The following XPO6 variants were observed in gnomAD, a reference collection of about 807,000 sequenced individuals.
XPO6 encodes exportin 6, also known as exportin-6.
XPO6 carries 3 observed loss-of-function variants against 130.0 expected under a neutral mutation model. That is an observed-to-expected ratio of 0.02 (90% CI 0.01 to 0.06). The LOEUF is 0.06. Ranked by LOEUF, XPO6 falls within the 10% of genes least tolerant of loss-of-function variation. XPO6 has a pLI of 1.00. For synonymous variants in XPO6, 524 were observed against 548.9 expected, an observed-to-expected ratio of 0.95 and a Z score of 0.63; for missense variants, 970 against 1,393.0, an observed-to-expected ratio of 0.70 and a Z score of 4.83.
intron 1 of XPO6, among the ~76,000 whole-genome samples, chr16:28,203,352 A>T (rs1184029676): frequency 6.6e-6 from 1 of 152,082 alleles, no homozygotes; most frequent in Non-Finnish European, 1.5e-5. Flanking sequence ...GGGAGGTTGA[A>T]AAAGTAGAGG....
chr16:28,139,777 A>C (rs116755794), intron 9 of XPO6, among the ~76,000 whole-genome samples: 2 of 152,246 alleles, frequency 1.3e-5, no homozygotes, highest in African/African-American at 4.8e-5. Context: ...CCAACACTCA[A>C]TAGACACACT....
intron 2 of XPO6, among the ~76,000 whole-genome samples, chr16:28,177,553 T>C (rs1372032859): frequency 6.6e-6 from 1 of 152,174 alleles, no homozygotes; most frequent in Non-Finnish European, 1.5e-5. Flanking sequence ...TAAAAGCCAA[T>C]AACCTCGCTA....
intron 14 of XPO6, among the ~76,000 whole-genome samples, chr16:28,118,108 A>G (rs2087117726): frequency 6.6e-6 from 1 of 152,244 alleles, no homozygotes; most frequent in Non-Finnish European, 1.5e-5. Context: ...GCCTTCCAAC[A>G]TACCTAAATG....
rs1291156008 is a variant in XPO6 at position 28,132,687 on chromosome 16, A to G, written c.1537-284T>C. 6.6e-6 allele frequency among the ~76,000 whole-genome samples: 1 copy of G among 151,372 alleles called. No homozygotes were observed. The highest frequency in any genetic ancestry group is 1.5e-5 in the Non-Finnish European group (1 of 67,936). ...AAAAAAAAGCAAAGGACACTGTGGT[A>G]TGACTCTTACGTTCCTAATAGAGGA... On this transcript the variant is annotated intron_variant, in intron 11 of 23. Coordinates refer to ENST00000304658, the MANE Select transcript of XPO6 (RefSeq NM_015171.4). The surrounding 1 kb of genome is among the most constrained non-coding windows in gnomAD (Gnocchi z 4.0).
chr16:28,173,905 T>G lies in XPO6; in HGVS notation c.405+1993A>C, dbSNP rs143679572. On this transcript the variant is annotated intron_variant, in intron 4 of 23. Transcript: ENST00000304658. The stretch of plus-strand genomic sequence containing the variant: ...AAGGGACCAATCCCAGCGGTGGAAC[T>G]GTGGCTCCACCTTACCTGCTATCAT... Among the ~76,000 whole-genome samples, 270 of 152,314 alleles carry G rather than the reference T, an allele frequency of 1.8e-3. 2 individuals carry two copies. The highest frequency in any genetic ancestry group is 5.7e-3 in the African/African-American group (237 of 41,566).
At chr16:28,154,981 A>G (rs936499244) in intron 7 of XPO6, among the ~76,000 whole-genome samples, 1 of 152,240 alleles carries the variant, frequency 6.6e-6, no homozygotes, top group Non-Finnish European at 1.5e-5. Flanking sequence ...ACATATTACC[A>G]TATCAGATTG....
At chr16:28,145,628 T>C (rs2042969800) in intron 9 of XPO6, among the ~76,000 whole-genome samples, 1 of 152,106 alleles carries the variant, frequency 6.6e-6, no homozygotes, top group African/African-American at 2.4e-5. Context: ...ATTTAGGAAA[T>C]TTTCAAACAC....
chr16:28,138,140 A>G (rs77462003), intron 9 of XPO6, among the ~76,000 whole-genome samples: 24 of 152,306 alleles, frequency 1.6e-4, no homozygotes, highest in African/African-American at 5.8e-4. Flanking sequence ...GGGAAAATTC[A>G]CCCAATAAAG....
chr16:28,159,480 C>T (rs1259314155), intron 6 of XPO6, among the ~76,000 whole-genome samples: 1 of 152,192 alleles, frequency 6.6e-6, no homozygotes, highest in Non-Finnish European at 1.5e-5. Context: ...TTCTCTCAAA[C>T]ACGCAAAAAC....
At chr16:28,189,641 G>A (rs2043754245) in intron 1 of XPO6, among the ~76,000 whole-genome samples, 1 of 152,036 alleles carries the variant, frequency 6.6e-6, no homozygotes, top group South Asian at 2.1e-4. Context: ...CATGTAACAG[G>A]ACTGCTAAGG....
intron 4 of XPO6, among the ~76,000 whole-genome samples, chr16:28,174,748 T>C (rs2043507433): frequency 6.6e-6 from 1 of 152,188 alleles, no homozygotes; most frequent in Non-Finnish European, 1.5e-5. Flanking sequence ...CATTAGAAAA[T>C]GATATTGTTC....
intron 9 of XPO6, among the ~76,000 whole-genome samples, chr16:28,141,994 G>A (rs1436758761): frequency 1.3e-5 from 2 of 152,174 alleles, no homozygotes; most frequent in Non-Finnish European, 2.9e-5. Flanking sequence ...ATAAATCTAT[G>A]TATATTTGTG....
chr16:28,149,682 C>G (rs2043051571), intron 8 of XPO6, among the ~76,000 whole-genome samples: 1 of 152,176 alleles, frequency 6.6e-6, no homozygotes, highest in Non-Finnish European at 1.5e-5. Flanking sequence ...GTGATGGACT[C>G]TCCCATCTAG....
chr16:28,175,404 C>T (rs531279288), intron 4 of XPO6, among the ~76,000 whole-genome samples: 1 of 152,306 alleles, frequency 6.6e-6, no homozygotes, highest in South Asian at 2.1e-4. Context: ...ACCCCCCAAC[C>T]CTTCCTGGCC....
intron 12 of XPO6, among the ~76,000 whole-genome samples, chr16:28,126,944 G>C (rs186110936): frequency 6.6e-6 from 1 of 152,012 alleles, no homozygotes; most frequent in Non-Finnish European, 1.5e-5. Context: ...CTTAGGAGGC[G>C]AGACTCACAC....
chr16:28,136,221 G>GTTTTGT (rs2042772577), intron 9 of XPO6, among the ~76,000 whole-genome samples: 2 of 152,140 alleles, frequency 1.3e-5, no homozygotes, highest in South Asian at 2.1e-4. Context: ...GTTTTGTTTT[G>GTTTTGT]TTTTGTTTTT....
intron 15 of XPO6, among the ~76,000 whole-genome samples, chr16:28,115,283 G>A (rs193173593): frequency 5.3e-5 from 8 of 152,114 alleles, no homozygotes; most frequent in South Asian, 2.1e-4. Context: ...CTTATGAAAC[G>A]TATTTCTGAA....
intron 2 of XPO6, among the ~76,000 whole-genome samples, chr16:28,179,997 A>G (rs573889934): frequency 3.7e-4 from 57 of 152,380 alleles, no homozygotes; most frequent in African/African-American, 1.2e-3. Flanking sequence ...TTACAAACCA[A>G]AAATTAAAAG....
chr16:28,169,274 C>T lies in XPO6; in HGVS notation c.565+476G>A, dbSNP rs529298707. On this transcript the variant is annotated intron_variant, in intron 5 of 23. Transcript: ENST00000304658. ...ACCCTTTACACCTTGTCATGAGGCT[C>T]TCATCAAACAGAAAAGACAAAATGC... is the stretch of plus-strand genomic sequence containing the variant. Among the ~76,000 whole-genome samples the T allele has an allele frequency of 8.2e-4, 125 of 152,294 alleles. No individual in the cohort carries two copies. The Middle Eastern group carries it at 0.01, about 12-fold the overall frequency.
Sources: gnomAD v4.1 joint callset for allele counts (sites outside exome capture counted in the v4.1 genomes callset) on GRCh38, gnomAD v4.1.1 for gene constraint, Gnocchi (gnomAD v3.1) non-coding constraint, MANE v1.5 for transcripts, NCBI Gene and HGNC (gene_info 2026-07-23, HGNC 2026-07-21) for gene names.